FAT1: variants seen among roughly 807,000 people sequenced by gnomAD.
FAT1 encodes FAT atypical cadherin 1.
FAT1 carries 171 observed loss-of-function variants against 329.8 expected under a neutral mutation model. The ratio of observed to expected loss-of-function variants is 0.52; its 90% CI spans 0.46 to 0.59. The LOEUF (loss-of-function observed/expected upper bound fraction) is 0.59, where lower values mean the gene tolerates loss of function less well. FAT1 is among the 20% of genes least tolerant of loss of function. The pLI is 0.00. For synonymous variants in FAT1, 2,233 were observed against 2,228.6 expected (o/e 1.00, Z -0.06); for missense variants, 5,672 against 5,774.4 (o/e 0.98, Z 0.57).
At chr4:186,666,616 T>C (rs1167558823) in intron 2 of FAT1, among the ~76,000 whole-genome samples, 1 of 152,226 alleles carries the variant, frequency 6.6e-6, no homozygotes, top group African/African-American at 2.4e-5. Flanking sequence ...GTTCTAATCC[T>C]CCAACAATTC....
intron 1 of FAT1, among the ~76,000 whole-genome samples, chr4:186,713,175 T>A (rs1745045884): frequency 6.6e-6 from 1 of 151,958 alleles, no homozygotes; most frequent in African/African-American, 2.4e-5. Context: ...AGGCCTTCTC[T>A]CCATCCTAGA....
At chr4:186,722,324 T>G (rs1745504091) in intron 1 of FAT1, among the ~76,000 whole-genome samples, 1 of 152,246 alleles carries the variant, frequency 6.6e-6, no homozygotes. Flanking sequence ...TTTGGCTCAT[T>G]TAAGGTGTTC....
intron 11 of FAT1, among the ~76,000 whole-genome samples, chr4:186,615,196 A>AG (rs1342815239): frequency 6.6e-6 from 1 of 151,798 alleles, no homozygotes; most frequent in Non-Finnish European, 1.5e-5. Flanking sequence ...AGGGCTAAAA[A>AG]ACAACCAAAG....
chr4:186,602,244 G>C (rs1456236782), intron 20 of FAT1, among the ~76,000 whole-genome samples: 1 of 152,086 alleles, frequency 6.6e-6, no homozygotes, highest in Non-Finnish European at 1.5e-5. Flanking sequence ...ATACATAACT[G>C]GGAGAAATAA....
At chr4:186,651,571 C>T (rs1270703036) in intron 3 of FAT1, among the ~76,000 whole-genome samples, 1 of 152,160 alleles carries the variant, frequency 6.6e-6, no homozygotes, top group Non-Finnish European at 1.5e-5. Flanking sequence ...TGAAGGTGGT[C>T]CTGGCCCATA....
chr4:186,598,270 A>T, intron 22 of FAT1, 145 bp from the exon 23 acceptor site: 1 of 725,012 alleles, frequency 1.4e-6, no homozygotes, highest in East Asian at 2.8e-5. Context: ...AGTTGGCTAC[A>T]TCAACAAGCC....
chr4:186,705,624 C>G (rs1456613973), intron 2 of FAT1, among the ~76,000 whole-genome samples: 1 of 152,206 alleles, frequency 6.6e-6, no homozygotes, highest in Non-Finnish European at 1.5e-5. Flanking sequence ...TTGCTAGGTG[C>G]TAAACACAGA....
Position 186,603,756 on chromosome 4 carries a change from G to C in FAT1, c.10770C>G (p.Phe3590Leu), listed in dbSNP as rs576253811. ...GCTTGCCCCCTGTGCTGGAAACAGA[G>C]AACAGGTTGTCCATCTGAGGGTCGA... The part of the protein sequence containing the change: ...YSLDPQMDNL[F>L]SVSSTGGKLI... Residue 3590 changes from phenylalanine (F) to leucine (L), a missense_variant, in exon 19 of 27, where the codon TTC becomes TTG. Physicochemically the swap from Phe to Leu is conservative, Grantham distance 22. Around this residue, in one of 2 missense-constraint regions of FAT1, gnomAD observed 1,706 missense variants for 1,859.1 expected, o/e 0.92. Coordinates refer to ENST00000441802, the MANE Select transcript of FAT1 (RefSeq NM_005245.4). 8.2e-5 allele frequency: 133 copies of C among 1,613,950 alleles called. No homozygotes were observed. In the South Asian group the frequency reaches 1.4e-3, roughly 17 times the overall value.
Position 186,620,755 on chromosome 4 carries a change from A to G in FAT1, c.5831T>C (p.Leu1944Ser), listed in dbSNP as rs752610003. 8.1e-6 allele frequency: 13 copies of G among 1,613,850 alleles called. No homozygotes were observed. Among genetic ancestry groups the G allele is most frequent in the African/African-American group, 2.7e-5 (2 of 74,906 alleles). Residue 1944 changes from leucine to serine, a missense_variant, in exon 10 of 27, where the codon TTA (leucine) becomes TCA (serine). Coordinates refer to ENST00000441802, the MANE Select transcript of FAT1 (RefSeq NM_005245.4). ...AACGGTTAGCTCGTAGCGGCTTCTTAACTGAGTTGTGTTTTGGACAGTGAG... is the reference window on the plus strand; with the variant it reads ...AACGGTTAGCTCGTAGCGGCTTCTTGACTGAGTTGTGTTTTGGACAGTGAG... ...GALTVQNTTQLRSRYELTVRA... is the reference protein window; with the variant it reads ...GALTVQNTTQSRSRYELTVRA...
intron 16 of FAT1, among the ~76,000 whole-genome samples, chr4:186,607,668 T>C (rs142310494): frequency 1.8e-4 from 27 of 151,282 alleles, no homozygotes; most frequent in Middle Eastern, 6.9e-3. Context: ...ACTAGATAGA[T>C]GGGTGGGTGG....
At chr4:186,598,151 A>T in intron 22 of FAT1, 26 bp from the exon 23 acceptor site, 1 of 1,584,106 alleles carries the variant, frequency 6.3e-7, no homozygotes, top group Non-Finnish European at 8.6e-7. Flanking sequence ...GGAACAAAAA[A>T]GTCCTATCAC....
At chr4:186,594,030 C>T (rs1738369063) in intron 26 of FAT1, among the ~76,000 whole-genome samples, 1 of 152,050 alleles carries the variant, frequency 6.6e-6, no homozygotes, top group Non-Finnish European at 1.5e-5. Context: ...AGCTAGTTTT[C>T]ATAACTAATT....
intron 16 of FAT1, among the ~76,000 whole-genome samples, chr4:186,606,488 T>G (rs557442832): frequency 6.6e-6 from 1 of 152,316 alleles, no homozygotes; most frequent in South Asian, 2.1e-4. Flanking sequence ...GCAGTTCTAT[T>G]AACAGAAACT....
chr4:186,644,257 T>C (rs1025382196), intron 3 of FAT1, among the ~76,000 whole-genome samples: 3 of 152,202 alleles, frequency 2.0e-5, no homozygotes, highest in East Asian at 3.8e-4. Flanking sequence ...GAATGACTCA[T>C]CATTAGTCAT....
In FAT1 at chr4:186,600,788, G is replaced by A. The variant is rs1481009874; in HGVS notation, c.11641-428C>T. Among the ~76,000 whole-genome samples, 5 of 152,324 alleles carry A rather than the reference G, an allele frequency of 3.3e-5. No individual in the cohort carries two copies. The East Asian group carries it at 7.7e-4, about 24-fold the overall frequency. ...TGCAGTGGCGTGATCTCAACTCACT[G>A]CAACCTCTGCCTCCCCTGTTCAAGT... is the stretch of plus-strand genomic sequence containing the variant. On this transcript the variant is annotated intron_variant, in intron 21 of 26. Transcript: ENST00000441802.
rs773405330 is a variant in FAT1, at chr4:186,621,319, T to C, written c.5267A>G (p.Gln1756Arg). ...STNTTVLVHL[Q>R]DENDNAPVFM... ...AACTGGCGCGTTGTCATTCTCATCC[T>C]GCAAGTGAACTAGAACCGTTGTATT... Residue 1756 changes from glutamine (Q) to arginine (R), a missense_variant, in exon 10 of 27, where the codon CAG becomes CGG. By Grantham distance (43) the Gln-to-Arg change is conservative. Around this residue, in one of 2 missense-constraint regions of FAT1, gnomAD observed 3,966 missense variants for 3,915.2 expected, o/e 1.01. Coordinates refer to ENST00000441802, the MANE Select transcript of FAT1 (RefSeq NM_005245.4). 2.5e-6 allele frequency: 4 copies of C among 1,613,946 alleles called. No homozygotes were observed. Among genetic ancestry groups the C allele is most frequent in the Admixed American group, 3.3e-5 (2 of 60,016 alleles).
chr4:186,687,829 A>G (rs1743546888), intron 2 of FAT1, among the ~76,000 whole-genome samples: 1 of 152,226 alleles, frequency 6.6e-6, no homozygotes, highest in Non-Finnish European at 1.5e-5. Flanking sequence ...AGCAGAAGGC[A>G]GTCAACAAAA....
chr4:186,606,257 C>T (rs911398741), intron 16 of FAT1, 44 bp from the exon 17 acceptor site: 13 of 1,604,108 alleles, frequency 8.1e-6, no homozygotes, highest in African/African-American at 5.4e-5. Flanking sequence ...TTCACAAGGC[C>T]GACAGAGCTC....
chr4:186,605,648 G>A (rs1739094296), intron 17 of FAT1, among the ~76,000 whole-genome samples: 1 of 149,606 alleles, frequency 6.7e-6, no homozygotes, highest in African/African-American at 2.5e-5. Context: ...GAATGGAATG[G>A]AGAAGAGGTG....
Sources: allele counts gnomAD v4.1 joint callset (sites outside exome capture counted in the v4.1 genomes callset), GRCh38; gene constraint gnomAD v4.1.1; regional missense constraint gnomAD v4.1.1; transcripts MANE v1.5; gene names NCBI Gene and HGNC (gene_info 2026-07-23, HGNC 2026-07-21).